The following ZNF395 variants were observed in gnomAD, a reference collection of about 807,000 sequenced individuals.
ZNF395 encodes the protein HD gene regulatory region-binding protein 2.
In ZNF395, 20 loss-of-function variants were observed where a neutral mutation model predicts 57.7. The ratio of observed to expected loss-of-function variants is 0.35; its 90% confidence interval spans 0.24 to 0.50. ZNF395 has a LOEUF of 0.50. Ranked by LOEUF, ZNF395 falls within the 20% of genes least tolerant of loss-of-function variation. ZNF395 has a pLI of 0.97. For synonymous variants in ZNF395, 295 were observed against 275.9 expected (o/e 1.07, Z -0.69); for missense variants, 606 against 671.2 (o/e 0.90, Z 1.07).
At chr8:28,349,451 C>T (rs1280355905) in intron 8 of ZNF395, among the ~76,000 whole-genome samples, 1 of 152,174 alleles carries the variant, frequency 6.6e-6, no homozygotes, top group Non-Finnish European at 1.5e-5. Context: ...ACAGGGGAGC[C>T]ACTGGACCTG....
At chr8:28,351,122 T>C (rs1053632528) in intron 7 of ZNF395, among the ~76,000 whole-genome samples, 15 of 152,210 alleles carry the variant, frequency 9.9e-5, no homozygotes, top group Admixed American at 8.5e-4. Context: ...ATTCAAAACA[T>C]GCGTGCTGGA....
chr8:28,357,123 G>T (rs1209989158), intron 3 of ZNF395, among the ~76,000 whole-genome samples: 1 of 152,150 alleles, frequency 6.6e-6, no homozygotes, highest in African/African-American at 2.4e-5. Flanking sequence ...CTTAAAAAAA[G>T]GAGAATTTTA....
chr8:28,349,486 G>A (rs1157427294), intron 8 of ZNF395, among the ~76,000 whole-genome samples: 1 of 152,210 alleles, frequency 6.6e-6, no homozygotes, highest in East Asian at 1.9e-4. Flanking sequence ...TCTCCTGCAG[G>A]GGACTTAGAC....
At chr8:28,372,042 C>CA (rs570237046) in intron 1 of ZNF395, among the ~76,000 whole-genome samples, 1,830 of 145,812 alleles carry the variant, frequency 0.013, 32 homozygotes, top group African/African-American at 0.043. Flanking sequence ...GACCCTATCT[C>CA]AAAAAAAAAA....
intron 1 of ZNF395, among the ~76,000 whole-genome samples, chr8:28,379,380 T>C (rs980476322): frequency 4.6e-5 from 7 of 152,170 alleles, no homozygotes; most frequent in African/African-American, 1.7e-4. Context: ...AGCCATATCT[T>C]AGAGCTAAGC....
intron 1 of ZNF395, among the ~76,000 whole-genome samples, chr8:28,374,518 A>T (rs1802017046): frequency 6.6e-6 from 1 of 152,164 alleles, no homozygotes; most frequent in South Asian, 2.1e-4. Context: ...AATGCATTTC[A>T]ATAATATGTT....
intron 1 of ZNF395, among the ~76,000 whole-genome samples, chr8:28,365,835 G>C (rs1801903563): frequency 6.6e-6 from 1 of 152,168 alleles, no homozygotes; most frequent in Non-Finnish European, 1.5e-5. Flanking sequence ...ATCAGTTAAG[G>C]AACTGGAACA....
intron 1 of ZNF395, among the ~76,000 whole-genome samples, chr8:28,373,822 G>T (rs1334184753): frequency 2.0e-5 from 3 of 152,100 alleles, no homozygotes; most frequent in African/African-American, 7.2e-5. Flanking sequence ...TCTAAATCCT[G>T]CCCCCTTGTC....
chr8:28,377,574 T>C (rs1005026761), intron 1 of ZNF395, among the ~76,000 whole-genome samples: 31 of 152,046 alleles, frequency 2.0e-4, no homozygotes, highest in African/African-American at 7.3e-4. Context: ...GGTGTCAGGA[T>C]GCTGTTGAGC....
chr8:28,357,037 A>T (rs1374207952), intron 3 of ZNF395, among the ~76,000 whole-genome samples: 1 of 152,166 alleles, frequency 6.6e-6, no homozygotes, highest in Non-Finnish European at 1.5e-5. Flanking sequence ...CCCCGGTATA[A>T]GCCGCTGGGT....
At chr8:28,362,420 T>G (rs910942774) in intron 1 of ZNF395, among the ~76,000 whole-genome samples, 1 of 152,258 alleles carries the variant, frequency 6.6e-6, no homozygotes, top group Non-Finnish European at 1.5e-5. Flanking sequence ...ATTTGCTTAT[T>G]ATGTGCAAAG....
intron 1 of ZNF395, among the ~76,000 whole-genome samples, chr8:28,367,110 T>A (rs918063182): frequency 2.0e-5 from 3 of 151,824 alleles, no homozygotes; most frequent in African/African-American, 7.3e-5. Flanking sequence ...CAATGTGGAT[T>A]CTCAGGGCAT....
At chr8:28,349,033 C>G in intron 9 of ZNF395, 92 bp downstream of exon 9, 1 of 1,333,762 alleles carries the variant, frequency 7.5e-7, no homozygotes, top group Non-Finnish European at 1.0e-6. Context: ...GGGGACTAAC[C>G]CTGGTGACTT....
At chr8:28,363,025 T>C (rs1801868705) in intron 1 of ZNF395, among the ~76,000 whole-genome samples, 1 of 152,052 alleles carries the variant, frequency 6.6e-6, no homozygotes, top group Admixed American at 6.6e-5. Flanking sequence ...GCTGAAAGCT[T>C]CACTGTAACA....
intron 1 of ZNF395, among the ~76,000 whole-genome samples, chr8:28,372,581 G>A (rs2129982182): frequency 1.3e-5 from 2 of 152,332 alleles, no homozygotes; most frequent in Admixed American, 1.3e-4. Context: ...GAGCTCAGGA[G>A]TTCAAGACCA....
chr8:28,370,370 C>T (rs973057005), intron 1 of ZNF395, among the ~76,000 whole-genome samples: 4 of 152,126 alleles, frequency 2.6e-5, no homozygotes, highest in Non-Finnish European at 5.9e-5. Context: ...AGGGCTCAAA[C>T]CACTAAGGAA....
rs1801632466 is a variant in ZNF395 at position 28,348,260 on chromosome 8, T to A, written c.*459A>T. 3.1e-5 allele frequency: 2 copies of A among 65,348 alleles called. No homozygotes were observed. Among genetic ancestry groups the A allele is most frequent in the African/African-American group, 1.1e-4 (2 of 18,332 alleles). 4.0% of individuals were successfully genotyped at this position (65,348 alleles called of 1,614,324 possible). On this transcript the variant is annotated 3_prime_UTR_variant, in exon 10 of 10. Coordinates refer to ENST00000344423, the MANE Select transcript of ZNF395 (RefSeq NM_018660.3). ...TGAGTCACCCATCAGCCAGAAACTC[T>A]TTTTTTTTTTTTTTTTTTTTTTTTT...
Position 28,353,273 on chromosome 8 carries a change from T to A in ZNF395, c.719A>T (p.Lys240Met). The part of the protein sequence containing the change: ...PSPPHPQASP[K>M]YLGDAFGSPQ... ...AGAACCAAAAGCATCCCCCAAATAC[T>A]TGGGGCTGGCCTGGGGGTGGGGGGG... is the stretch of plus-strand genomic sequence containing the variant. The change falls in exon 5 of 10, where the codon AAG becomes ATG. Residue 240 changes from lysine to methionine, a missense_variant. Coordinates refer to ENST00000344423, the MANE Select transcript of ZNF395 (RefSeq NM_018660.3). 2 of 1,387,684 alleles carry A rather than the reference T, an allele frequency of 1.4e-6. No individual in the cohort carries two copies. The highest frequency in any genetic ancestry group is 1.9e-6 in the Non-Finnish European group (2 of 1,034,624). 86.0% of individuals were successfully genotyped at this position (1,387,684 alleles called of 1,614,324 possible).
chr8:28,357,241 A>G (rs1169965317), intron 3 of ZNF395, among the ~76,000 whole-genome samples: 2 of 152,226 alleles, frequency 1.3e-5, no homozygotes, highest in Non-Finnish European at 1.5e-5. Flanking sequence ...TTTAAATTTA[A>G]GAGGGAACAA....
Sources: allele counts gnomAD v4.1 joint callset (sites outside exome capture counted in the v4.1 genomes callset), GRCh38; gene constraint gnomAD v4.1.1; transcripts MANE v1.5; gene names NCBI Gene and HGNC (gene_info 2026-07-23, HGNC 2026-07-21).